The following SEPTIN10 variants were observed in gnomAD, a reference collection of about 807,000 sequenced individuals.
SEPTIN10 encodes septin-10.
In SEPTIN10, 66 loss-of-function variants were observed where a neutral mutation model predicts 54.8. The observed-to-expected ratio is 1.21, with a 90% confidence interval of 0.99 to 1.48. The LOEUF (loss-of-function observed/expected upper bound fraction) is 1.48, where lower values mean the gene tolerates loss of function less well. SEPTIN10 is among the 40% of genes most tolerant of loss of function. SEPTIN10 has a pLI of 0.00. For synonymous variants in SEPTIN10, 161 were observed against 181.0 expected, an observed-to-expected ratio of 0.89 and a Z score of 0.89; for missense variants, 620 against 545.6, an observed-to-expected ratio of 1.14 and a Z score of -1.36.
intron 2 of SEPTIN10, among the ~76,000 whole-genome samples, 197 bp downstream of exon 2, chr2:109,592,854 T>A (rs1289430587): frequency 6.6e-6 from 1 of 152,084 alleles, no homozygotes; most frequent in Non-Finnish European, 1.5e-5. Context: ...GATACTCAAT[T>A]AAGAATATTG....
At chr2:109,589,228 C>T (rs1244369841) in intron 2 of SEPTIN10, among the ~76,000 whole-genome samples, 1 of 152,082 alleles carries the variant, frequency 6.6e-6, no homozygotes, top group Non-Finnish European at 1.5e-5. Flanking sequence ...CCGCAACCTC[C>T]ACCTCCCAGG....
intron 5 of SEPTIN10, among the ~76,000 whole-genome samples, chr2:109,568,857 G>T (rs1319492238): frequency 2.0e-5 from 3 of 152,100 alleles, no homozygotes; most frequent in Admixed American, 2.0e-4. Flanking sequence ...GAAACTGTAT[G>T]TACTACTATC....
At chr2:109,580,726 G>GA (rs1690906419) in intron 4 of SEPTIN10, among the ~76,000 whole-genome samples, 1 of 151,996 alleles carries the variant, frequency 6.6e-6, no homozygotes, top group South Asian at 2.1e-4. Flanking sequence ...CAAAATAAAT[G>GA]AAAAAAAGGT....
intron 5 of SEPTIN10, among the ~76,000 whole-genome samples, chr2:109,568,815 C>T (rs1687677593): frequency 6.6e-6 from 1 of 152,164 alleles, no homozygotes; most frequent in Admixed American, 6.5e-5. Flanking sequence ...CTGTGCCCCA[C>T]TGTCACAGAC....
At chr2:109,612,485 T>C (rs955885326) in intron 1 of SEPTIN10, among the ~76,000 whole-genome samples, 3 of 152,240 alleles carry the variant, frequency 2.0e-5, no homozygotes, top group African/African-American at 7.2e-5. Context: ...GTTCTCACTA[T>C]ACTGTATTAT....
Position 109,544,305 on chromosome 2 carries a change from T to C in SEPTIN10, c.*4A>G, listed in dbSNP as rs1558675025. The C allele has an allele frequency of 6.3e-7, 1 of 1,593,800 alleles. No individual in the cohort carries two copies. The highest frequency in any genetic ancestry group is 2.2e-5 in the East Asian group (1 of 44,752). On this transcript the variant is annotated 3_prime_UTR_variant, in exon 11 of 11. Transcript: ENST00000397712. ...ATGACCTTCTGTGCTCTGGAACTTC[T>C]GTTTTACAAAAAATTGGAGCTGGAA...
intron 1 of SEPTIN10, among the ~76,000 whole-genome samples, chr2:109,599,406 C>T (rs1164132060): frequency 2.7e-5 from 4 of 145,974 alleles, no homozygotes; most frequent in African/African-American, 7.6e-5. Flanking sequence ...TGCAGTGAGC[C>T]GAGATTGTGC....
At chr2:109,564,778 A>C (rs1006214110) in intron 7 of SEPTIN10, among the ~76,000 whole-genome samples, 2 of 152,234 alleles carry the variant, frequency 1.3e-5, no homozygotes, top group African/African-American at 4.8e-5. Context: ...GTAGCCAATG[A>C]ATCACCAGGA....
chr2:109,593,406 G>A (rs998140285), intron 1 of SEPTIN10, among the ~76,000 whole-genome samples: 12 of 99,050 alleles, frequency 1.2e-4, no homozygotes, highest in Non-Finnish European at 1.8e-4. Flanking sequence ...GAGAGAGAAA[G>A]AACTTTTTTT....
At chr2:109,582,765 T>C (rs1691521497) in intron 4 of SEPTIN10, among the ~76,000 whole-genome samples, 1 of 152,212 alleles carries the variant, frequency 6.6e-6, no homozygotes, top group African/African-American at 2.4e-5. Flanking sequence ...TCACATTACC[T>C]GACTTCAAAC....
intron 5 of SEPTIN10, among the ~76,000 whole-genome samples, chr2:109,568,608 C>T (rs746882031): frequency 1.3e-5 from 2 of 152,124 alleles, no homozygotes; most frequent in Non-Finnish European, 2.9e-5. Context: ...TCTTCTCTCT[C>T]AAAATCTTGC....
Position 109,543,990 on chromosome 2 carries a change from T to A in SEPTIN10, c.*319A>T, listed in dbSNP as rs1271921167. On this transcript the variant is annotated 3_prime_UTR_variant, in exon 11 of 11. Transcript: ENST00000397712. ...TGCAAGAAACAAAATCTGTTTAAAC[T>A]GAACCATCAGAAAGCAAAGGTGTCG... 2 of 656,462 alleles carry A rather than the reference T, an allele frequency of 3.0e-6. No homozygotes were observed. Among genetic ancestry groups the A allele is most frequent in the Non-Finnish European group, 5.1e-6 (2 of 391,132 alleles). 40.7% of individuals were successfully genotyped at this position (656,462 alleles called of 1,614,324 possible). A position where few individuals can be genotyped will look rare whatever the true frequency, so the allele number is the denominator to read the frequency against.
At chr2:109,583,951 G>A (rs1214337499) in intron 4 of SEPTIN10, among the ~76,000 whole-genome samples, 1 of 152,064 alleles carries the variant, frequency 6.6e-6, no homozygotes, top group Non-Finnish European at 1.5e-5. Flanking sequence ...GGGTACACAT[G>A]GATATAAAGA....
At chr2:109,553,288 T>G in intron 8 of SEPTIN10, 69 bp from the exon 9 acceptor site, 1 of 1,539,002 alleles carries the variant, frequency 6.5e-7, no homozygotes, top group Admixed American at 1.8e-5. Context: ...CTCACGCCTG[T>G]AATCCCAACA....
chr2:109,560,707 G>A (rs1448681148), intron 8 of SEPTIN10, among the ~76,000 whole-genome samples: 2 of 152,072 alleles, frequency 1.3e-5, no homozygotes, highest in Non-Finnish European at 2.9e-5. Context: ...TACCACTGCT[G>A]CCTCACACAC....
intron 5 of SEPTIN10, among the ~76,000 whole-genome samples, chr2:109,571,509 G>A (rs566302637): frequency 1.3e-5 from 2 of 152,184 alleles, no homozygotes; most frequent in African/African-American, 2.4e-5. Flanking sequence ...TGTGTATGTA[G>A]GCAACTATAA....
chr2:109,593,408 A>ATTTTTT (rs1694552904), intron 1 of SEPTIN10, among the ~76,000 whole-genome samples: 1 of 97,122 alleles, frequency 1.0e-5, no homozygotes, highest in African/African-American at 4.5e-5. Context: ...GAGAGAAAGA[A>ATTTTTT]CTTTTTTTTT....
intron 7 of SEPTIN10, among the ~76,000 whole-genome samples, chr2:109,565,452 T>C (rs1686752042): frequency 6.6e-6 from 1 of 152,212 alleles, no homozygotes; most frequent in African/African-American, 2.4e-5. Flanking sequence ...TGACTGTTCT[T>C]ATACTTAAGT....
intron 4 of SEPTIN10, 73 bp downstream of exon 4, chr2:109,585,053 T>C (rs925748228): frequency 2.6e-6 from 2 of 783,776 alleles, no homozygotes; most frequent in East Asian, 2.8e-5. Context: ...AATCAAATCA[T>C]AGTTCATGGG....
Sources: gnomAD v4.1 joint callset for allele counts (sites outside exome capture counted in the v4.1 genomes callset) on GRCh38, gnomAD v4.1.1 for gene constraint, MANE v1.5 for transcripts, NCBI Gene and HGNC (gene_info 2026-07-23, HGNC 2026-07-21) for gene names.